Variants in NEU4 observed in about 807,000 individuals in gnomAD.
The protein encoded by NEU4 is sialidase-4.
In NEU4, 7 loss-of-function variants were observed where a neutral mutation model predicts 9.9. That is an observed-to-expected ratio of 0.71 (90% CI 0.40 to 1.33). NEU4 has a LOEUF of 1.33. Ranked by LOEUF, NEU4 falls within the 40% of genes most tolerant of loss-of-function variation. NEU4 has a pLI of 0.01. For synonymous variants in NEU4, 348 were observed against 316.9 expected (o/e 1.10, Z -1.04); for missense variants, 717 against 712.6 (o/e 1.01, Z -0.07).
Position 241,816,437 on chromosome 2 carries a change from G to A in NEU4, c.844G>A (p.Gly282Ser). The A allele has an allele frequency of 3.7e-6, 6 of 1,607,890 alleles. No homozygotes were observed. The East Asian group carries it at 1.3e-4, about 36-fold the overall frequency. ...TAWGCQGSIV[G>S]FPAPAPNRPR... ...CTGGGGCTGCCAGGGCAGCATCGTG[G>A]GCTTCCCAGCCCCCGCCCCCAACAG... The change falls in exon 4 of 4, where the codon GGC becomes AGC. Residue 282 changes from glycine to serine, a missense_variant. By Grantham distance (56) the Gly-to-Ser change is moderately conservative. Transcript: ENST00000407683.
Position 241,816,462 on chromosome 2 carries a change from G to C in NEU4, c.869G>C (p.Arg290Thr). ...GGCTTCCCAGCCCCCGCCCCCAACA[G>C]GCCACGGGATGACAGTTGGTCAGTG... The part of the protein sequence containing the change: ...IVGFPAPAPN[R>T]PRDDSWSVGP... The change falls in exon 4 of 4, where the codon AGG (arginine) becomes ACG (threonine). Residue 290 changes from arginine to threonine, a missense_variant. Physicochemically the swap from Arg to Thr is moderately conservative, Grantham distance 71. Transcript: ENST00000407683. 6.2e-7 allele frequency: 1 copy of C among 1,609,638 alleles called. No homozygotes were observed. Among genetic ancestry groups the C allele is most frequent in the South Asian group, 1.1e-5 (1 of 90,616 alleles).
chr2:241,815,127 C>T lies in NEU4; in HGVS notation c.437C>T (p.Ala146Val). ...WGSARDLTEEAIGGAVQDWAT... is the reference protein window; with the variant it reads ...WGSARDLTEEVIGGAVQDWAT... ...AGCGCCCGGGACCTCACCGAGGAGG[C>T]CATCGGTGGTGCCGTGCAGGGTAGG... Residue 146 changes from alanine (A) to valine (V), a missense_variant, in exon 3 of 4, where the codon GCC becomes GTC. Physicochemically the swap from Ala to Val is moderately conservative, Grantham distance 64 (BLOSUM62 0). Coordinates refer to ENST00000407683, the MANE Select transcript of NEU4 (RefSeq NM_001167600.3). 1 of 1,568,962 alleles carries T rather than the reference C, an allele frequency of 6.4e-7. No individual in the cohort carries two copies. The highest frequency in any genetic ancestry group is 1.7e-5 in the Admixed American group (1 of 57,926).
Position 241,814,631 on chromosome 2 carries a change from C to G in NEU4, c.147C>G (p.Ser49=). 1 of 1,595,630 alleles carries G rather than the reference C, an allele frequency of 6.3e-7. No homozygotes were observed. Among genetic ancestry groups the G allele is most frequent in the Non-Finnish European group, 8.5e-7 (1 of 1,172,308 alleles). The change falls in exon 2 of 4, where the codon TCC becomes TCG. Residue 49 remains serine, a synonymous_variant. Coordinates refer to ENST00000407683, the MANE Select transcript of NEU4 (RefSeq NM_001167600.3). ...FVEQRLSPDD[S]HAHRLVLRRG... ...AGCAGCGGCTCAGCCCTGACGACTC[C>G]CACGCCCACCGCCTGGTGCTGAGGA...
chr2:241,810,058 G>C (rs1006523798), intron 1 of NEU4: 6 of 152,264 alleles, frequency 3.9e-5, no homozygotes, highest in Non-Finnish European at 8.8e-5. Context: ...GGTTGGGCTG[G>C]GGTGGGGCTT....
At chr2:241,811,691 A>C in intron 1 of NEU4, 2 of 397,298 alleles carry the variant, frequency 5.0e-6, no homozygotes, top group Non-Finnish European at 8.9e-6. Context: ...GCATCTCCCA[A>C]TGGGACACTT....
chr2:241,814,703 G>A lies in NEU4; in HGVS notation c.201+18G>A. ...CCGTGCGGGTGAGTGAGTGGCCGGGGGCTCTGTGTGGGTGTAGTGGCCGGA... is the reference window on the plus strand; with the variant it reads ...CCGTGCGGGTGAGTGAGTGGCCGGGAGCTCTGTGTGGGTGTAGTGGCCGGA... On this transcript the variant is annotated intron_variant, in intron 2 of 3. Coordinates refer to ENST00000407683, the MANE Select transcript of NEU4 (RefSeq NM_001167600.3). 1 of 1,536,192 alleles carries A rather than the reference G, an allele frequency of 6.5e-7. No individual in the cohort carries two copies. Among genetic ancestry groups the A allele is most frequent in the Non-Finnish European group, 8.7e-7 (1 of 1,144,016 alleles).
At chr2:241,813,478 T>C (rs1190537070) in intron 1 of NEU4, 36 of 1,166,202 alleles carry the variant, frequency 3.1e-5, no homozygotes, top group Non-Finnish European at 3.8e-5. Context: ...CTCGGCTCCG[T>C]CTGCCTTTGT....
intron 1 of NEU4, 95 bp from the exon 2 acceptor site, chr2:241,814,387 G>T: frequency 1.7e-6 from 2 of 1,204,180 alleles, no homozygotes; most frequent in Non-Finnish European, 2.4e-6. Context: ...GGAGCTGTCT[G>T]CACCTCCTGA....
At chr2:241,815,840 C>A (rs1700307820) in intron 3 of NEU4, 13 of 608,630 alleles carry the variant, frequency 2.1e-5, no homozygotes, top group South Asian at 5.9e-5. Context: ...GGGTGCCGTC[C>A]ACCTGGGCTC....
rs1575385260 is a variant in NEU4, at chr2:241,816,705, CGCCCCAGA to C, written c.1119_1126del (p.Gln373HisfsTer55). 2.6e-6 allele frequency: 4 copies of C among 1,536,616 alleles called. No homozygotes were observed. In the Middle Eastern group the frequency reaches 5.4e-4, roughly 207 times the overall value. ...GCACTCCCCATGCCCTTTGCTGCCC[CGCCCCAGA>C]GCCCCACGTGGCTGCTGTACTCCCA... On this transcript the variant is annotated frameshift_variant, in exon 4 of 4. Coordinates refer to ENST00000407683, the MANE Select transcript of NEU4 (RefSeq NM_001167600.3). LOFTEE classifies it low-confidence loss of function (END_TRUNC).
intron 1 of NEU4, among the ~76,000 whole-genome samples, chr2:241,812,604 C>CCAGGGAACTGG (rs1700166487): frequency 1.9e-5 from 2 of 104,572 alleles, no homozygotes; most frequent in Non-Finnish European, 4.2e-5. Context: ...ACAGAGGGAC[C>CCAGGGAACTGG]TCCTGAGGAC....
chr2:241,816,584 G>T lies in NEU4; in HGVS notation c.991G>T (p.Gly331Cys). Residue 331 changes from glycine to cysteine, a missense_variant, in exon 4 of 4, where the codon GGT becomes TGT. Physicochemically the swap from Gly to Cys is radical, Grantham distance 159 (BLOSUM62 -3). Transcript: ENST00000407683. ...AVDPRGGQVPGGPFSRLQPRG... is the reference protein window; with the variant it reads ...AVDPRGGQVPCGPFSRLQPRG... ...AGACCCCCGTGGAGGCCAGGTGCCT[G>T]GTGGGCCCTTCAGCCGTCTGCAGCC... 6.2e-7 allele frequency: 1 copy of T among 1,602,692 alleles called. No homozygotes were observed.
intron 1 of NEU4, chr2:241,813,345 G>A (rs2125213270): frequency 9.5e-7 from 1 of 1,049,972 alleles, no homozygotes; most frequent in Non-Finnish European, 1.2e-6. Context: ...CCGCATCCAG[G>A]TGCCCCGTGT....
At chr2:241,814,201 G>A (rs1700223366) in intron 1 of NEU4, 1 of 645,526 alleles carries the variant, frequency 1.5e-6, no homozygotes. Context: ...CAACCAGCCT[G>A]GCCGAGGGTC....
chr2:241,813,565 C>T (rs1170145887), intron 1 of NEU4: 1 of 1,269,430 alleles, frequency 7.9e-7, no homozygotes. Flanking sequence ...AATGCCCCCT[C>T]ACCCGGGCCC....
At chr2:241,811,320 TG>T in intron 1 of NEU4, 1 of 1,346,200 alleles carries the variant, frequency 7.4e-7, no homozygotes, top group Non-Finnish European at 9.6e-7. Flanking sequence ...CGTGCCACCG[TG>T]GGAGTGTCCA....
intron 2 of NEU4, 101 bp from the exon 3 acceptor site, chr2:241,814,791 T>G: frequency 1.3e-6 from 2 of 1,531,296 alleles, no homozygotes; most frequent in East Asian, 2.3e-5. Context: ...ATGCCCGAGG[T>G]AGAGATGAGC....
rs746771410 is a variant in NEU4, at chr2:241,816,790, C to G, written c.1197C>G (p.Ser399=). 1.1e-5 allele frequency: 18 copies of G among 1,595,228 alleles called. No individual in the cohort carries two copies. The South Asian group carries it at 1.7e-4, about 15-fold the overall frequency. ...ACATGGGTATCCGCCTGAGCCAGTC[C>G]CCGCTGGACCCGCGCAGCTGGACAG... is the stretch of plus-strand genomic sequence containing the variant. ...RLHMGIRLSQ[S]PLDPRSWTEP... is the part of the protein sequence containing the mutation. The change falls in exon 4 of 4, where the codon TCC becomes TCG. Residue 399 remains serine (S), a synonymous_variant. Coordinates refer to ENST00000407683, the MANE Select transcript of NEU4 (RefSeq NM_001167600.3).
chr2:241,815,447 A>AGGC (rs1700294215), intron 3 of NEU4: 1 of 254,526 alleles, frequency 3.9e-6, no homozygotes, highest in African/African-American at 4.0e-5. Context: ...GCAAATGGGT[A>AGGC]TTGATCACCC....
Sources: allele counts gnomAD v4.1 joint callset (sites outside exome capture counted in the v4.1 genomes callset), GRCh38; gene constraint gnomAD v4.1.1; transcripts MANE v1.5; gene names NCBI Gene and HGNC (gene_info 2026-07-23, HGNC 2026-07-21).